The following RNGTT variants were observed in gnomAD, a reference collection of about 807,000 sequenced individuals.
RNGTT encodes mRNA-capping enzyme.
In RNGTT, 33 loss-of-function variants were observed where a neutral mutation model predicts 79.3. The ratio of observed to expected loss-of-function variants is 0.42; its 90% CI spans 0.32 to 0.56. RNGTT has a LOEUF of 0.56. RNGTT is among the 20% of genes least tolerant of loss of function. RNGTT has a pLI of 0.17. For missense variants in RNGTT, 497 were observed against 739.1 expected, an observed-to-expected ratio of 0.67 and a Z score of 3.80; for synonymous variants, 222 against 235.9, an observed-to-expected ratio of 0.94 and a Z score of 0.54.
intron 14 of RNGTT, among the ~76,000 whole-genome samples, chr6:88,670,466 A>G (rs1774592579): frequency 6.6e-6 from 1 of 152,166 alleles, no homozygotes; most frequent in Non-Finnish European, 1.5e-5. Flanking sequence ...GAAAGTGAAA[A>G]TTCCCACTAA....
chr6:88,860,387 C>T (rs1356250859), intron 8 of RNGTT, among the ~76,000 whole-genome samples: 2 of 152,174 alleles, frequency 1.3e-5, no homozygotes, highest in African/African-American at 2.4e-5. Context: ...ATTTTCCCTA[C>T]CCCTAGCAGG....
At chr6:88,791,627 C>T (rs561895585) in intron 12 of RNGTT, among the ~76,000 whole-genome samples, 2 of 152,240 alleles carry the variant, frequency 1.3e-5, no homozygotes, top group East Asian at 3.9e-4. Context: ...GCAAGCTCCG[C>T]CTCCTGGGTT....
chr6:88,897,350 T>C (rs532681903), intron 6 of RNGTT, among the ~76,000 whole-genome samples: 1 of 152,268 alleles, frequency 6.6e-6, no homozygotes, highest in Non-Finnish European at 1.5e-5. Context: ...CAATCTCAAT[T>C]ACATCTCCAG....
At chr6:88,713,070 G>A (rs1169842250) in intron 13 of RNGTT, among the ~76,000 whole-genome samples, 4 of 152,138 alleles carry the variant, frequency 2.6e-5, no homozygotes, top group African/African-American at 9.7e-5. Context: ...GTTATGGGCT[G>A]CATGTTTGTG....
intron 14 of RNGTT, among the ~76,000 whole-genome samples, chr6:88,633,744 T>C (rs879415029): frequency 6.6e-6 from 1 of 152,152 alleles, no homozygotes; most frequent in Non-Finnish European, 1.5e-5. Context: ...CCCAACCTAA[T>C]GGCCAAATCA....
chr6:88,871,521 T>C (rs1782356383), intron 8 of RNGTT, among the ~76,000 whole-genome samples: 1 of 152,170 alleles, frequency 6.6e-6, no homozygotes, highest in African/African-American at 2.4e-5. Context: ...AAGTGGATTG[T>C]ATGTCACCTC....
chr6:88,675,791 G>A (rs1002469467), intron 14 of RNGTT, among the ~76,000 whole-genome samples: 2 of 151,296 alleles, frequency 1.3e-5, no homozygotes, highest in African/African-American at 4.8e-5. Context: ...AAGTGTCAGG[G>A]TGAGTAAAAA....
chr6:88,734,469 C>T (rs1046788062), intron 13 of RNGTT, among the ~76,000 whole-genome samples: 27 of 151,960 alleles, frequency 1.8e-4, no homozygotes, highest in African/African-American at 2.9e-4. Context: ...ATTAATCCAA[C>T]GATATCAAAA....
At chr6:88,817,748 C>CCTTT (rs1227582021) in intron 11 of RNGTT, among the ~76,000 whole-genome samples, 2 of 99,996 alleles carry the variant, frequency 2.0e-5, no homozygotes, top group Admixed American at 1.1e-4. Context: ...CTATTCACAT[C>CCTTT]ATTTTTTTTT....
intron 6 of RNGTT, among the ~76,000 whole-genome samples, chr6:88,900,345 G>A (rs1783407048): frequency 6.6e-6 from 1 of 152,152 alleles, no homozygotes; most frequent in Non-Finnish European, 1.5e-5. Flanking sequence ...GAAATTCCAG[G>A]AGTGAAAGTA....
chr6:88,719,388 C>G (rs1776629455), intron 13 of RNGTT, among the ~76,000 whole-genome samples: 1 of 152,162 alleles, frequency 6.6e-6, no homozygotes, highest in Admixed American at 6.5e-5. Context: ...GACACTGCAA[C>G]TTTGAACTGA....
chr6:88,656,326 G>C (rs1354083664), intron 14 of RNGTT, among the ~76,000 whole-genome samples: 2 of 152,098 alleles, frequency 1.3e-5, no homozygotes, highest in African/African-American at 4.8e-5. Context: ...TACAGTTGTG[G>C]ATATGTTAAG....
chr6:88,687,961 G>A (rs1425836445), intron 13 of RNGTT, among the ~76,000 whole-genome samples: 1 of 152,114 alleles, frequency 6.6e-6, no homozygotes, highest in Non-Finnish European at 1.5e-5. Context: ...AAATCAATCA[G>A]TATGTTGAGA....
At chr6:88,876,192 A>G (rs1413105010) in intron 8 of RNGTT, among the ~76,000 whole-genome samples, 2 of 152,340 alleles carry the variant, frequency 1.3e-5, no homozygotes, top group South Asian at 2.1e-4. Context: ...AATACATGTT[A>G]TAACAATGAA....
intron 13 of RNGTT, among the ~76,000 whole-genome samples, chr6:88,769,335 A>G (rs1041731144): frequency 7.6e-5 from 1 of 13,204 alleles, no homozygotes; most frequent in East Asian, 2.1e-3. Context: ...TAATTTTTCT[A>G]TTTTTGGTAG....
At chr6:88,646,836 C>A (rs929688074) in intron 14 of RNGTT, among the ~76,000 whole-genome samples, 1 of 151,488 alleles carries the variant, frequency 6.6e-6, no homozygotes, top group Non-Finnish European at 1.5e-5. Context: ...CACACCAGGG[C>A]CTGTTGTGGG....
At chr6:88,933,450 G>T (rs74745955) in intron 2 of RNGTT, among the ~76,000 whole-genome samples, 2 of 150,998 alleles carry the variant, frequency 1.3e-5, no homozygotes, top group Admixed American at 6.6e-5. Context: ...GGTATCTATC[G>T]TCTATCATTC....
chr6:88,767,364 C>T (rs1389617366), intron 13 of RNGTT, among the ~76,000 whole-genome samples: 1 of 151,866 alleles, frequency 6.6e-6, no homozygotes, highest in Non-Finnish European at 1.5e-5. Context: ...TGACAAACTA[C>T]TAAACTGAAT....
At chr6:88,687,342 C>T (rs1286203803) in intron 13 of RNGTT, among the ~76,000 whole-genome samples, 5 of 152,146 alleles carry the variant, frequency 3.3e-5, no homozygotes, top group Non-Finnish European at 7.4e-5. Context: ...ATTGGAAATG[C>T]AAACTAGTAT....
Sources: allele counts gnomAD v4.1 joint callset (sites outside exome capture counted in the v4.1 genomes callset), GRCh38; gene constraint gnomAD v4.1.1; transcripts MANE v1.5; gene names NCBI Gene and HGNC (gene_info 2026-07-23, HGNC 2026-07-21).